C9orf78: variants seen among roughly 807,000 people sequenced by gnomAD.
The protein encoded by C9orf78 is splicing factor C9orf78.
Under a neutral mutation model 37.4 loss-of-function variants are expected in C9orf78, and 19 were observed. The observed-to-expected ratio is 0.51, with a 90% CI of 0.35 to 0.74. The LOEUF is 0.74. C9orf78 is among the 30% of genes least tolerant of loss of function. The probability of loss-of-function intolerance (pLI) is 0.01; values close to 1 mark genes in which losing one functional copy is unlikely to be tolerated. For missense variants in C9orf78, 291 were observed against 370.8 expected (o/e 0.78, Z 1.77); for synonymous variants, 130 against 128.0 (o/e 1.02, Z -0.10).
At position 129,831,846 on chromosome 9, in the gene C9orf78, T is replaced by C. The variant is rs369458130; in HGVS notation, c.344+50A>G. On this transcript the variant is annotated intron_variant, in intron 5 of 8. Transcript: ENST00000372447. ...TCTGTTGACTAAATATCTTGGACTC[T>C]GACTGGAGTCCAGCCCCAACTGCTC... The C allele has an allele frequency of 1.8e-5, 16 of 871,270 alleles. No individual in the cohort carries two copies. In the African/African-American group the frequency reaches 2.5e-4, roughly 13 times the overall value. The allele number at this position is 871,270 out of a possible 1,614,324, so 54.0% of individuals were successfully genotyped here.
rs1475165949 is a variant in C9orf78 at position 129,831,474 on chromosome 9, G to A, written c.345-406C>T. ...AGTTTCACTCTTGTTGCCCAGGCTGGAGTGCAATGGCGAGATCTTGGCTCG... is the reference window on the plus strand; with the variant it reads ...AGTTTCACTCTTGTTGCCCAGGCTGAAGTGCAATGGCGAGATCTTGGCTCG... On this transcript the variant is annotated intron_variant, in intron 5 of 8. Coordinates refer to ENST00000372447, the MANE Select transcript of C9orf78 (RefSeq NM_016520.3). 5 of 249,736 alleles carry A rather than the reference G, an allele frequency of 2.0e-5. No homozygotes were observed. The East Asian group carries it at 5.3e-4, about 26-fold the overall frequency. The allele number at this position is 249,736 out of a possible 1,614,324, so 15.5% of individuals were successfully genotyped here.
chr9:129,833,594 C>G, intron 3 of C9orf78, 64 bp downstream of exon 3: 1 of 1,446,484 alleles, frequency 6.9e-7, no homozygotes, highest in Non-Finnish European at 9.7e-7. Flanking sequence ...GAAGCACGCT[C>G]ACTCACTGAA....
chr9:129,833,017 A>G lies in C9orf78; in HGVS notation c.266+430T>C, dbSNP rs186220253. On this transcript the variant is annotated intron_variant, in intron 4 of 8. Coordinates refer to ENST00000372447, the MANE Select transcript of C9orf78 (RefSeq NM_016520.3). ...TATATATGTGTGTGTGTGTGTGTGT[A>G]TATGTGTATATACATGTGTGTATAT... Among the ~76,000 whole-genome samples the G allele has an allele frequency of 2.8e-3, 410 of 148,412 alleles. 12 individuals carry two copies. In the East Asian group the frequency reaches 0.061, roughly 22 times the overall value.
At chr9:129,833,756 A>G (rs778627107) in intron 2 of C9orf78, 47 bp from the exon 3 acceptor site, 2 of 1,408,380 alleles carry the variant, frequency 1.4e-6, no homozygotes, top group Non-Finnish European at 2.0e-6. Context: ...GAGAAATGGC[A>G]TAATTCAGAG....
intron 1 of C9orf78, 170 bp from the exon 2 acceptor site, chr9:129,834,936 C>A: frequency 1.5e-6 from 1 of 667,580 alleles, no homozygotes; most frequent in East Asian, 2.7e-5. Context: ...GAGTCAGAGC[C>A]ACTGCGCATC....
Position 129,828,099 on chromosome 9 carries a change from C to T in C9orf78, c.*62G>A. The T allele has an allele frequency of 1.0e-6, 1 of 1,003,804 alleles. No homozygotes were observed. The allele number at this position is 1,003,804 out of a possible 1,614,324, so 62.2% of individuals were successfully genotyped here. ...GGAGCCACCACGCCCGGCCAGGAAG[C>T]CATTTTTCATGGGAGGGATATAGGG... On this transcript the variant is annotated 3_prime_UTR_variant, in exon 9 of 9. Coordinates refer to ENST00000372447, the MANE Select transcript of C9orf78 (RefSeq NM_016520.3).
rs201895521 is a variant in C9orf78 at position 129,835,231 on chromosome 9, G to T, written c.-10C>A. 2.5e-6 allele frequency: 4 copies of T among 1,600,954 alleles called. No homozygotes were observed. The highest frequency in any genetic ancestry group is 2.6e-6 in the Non-Finnish European group (3 of 1,173,688). ...TCCGGACGACCGGCATGGTGACAAC[G>T]GCCGAGTTGTACAGCCGCCGCGCCT... On this transcript the variant is annotated 5_prime_UTR_variant, in exon 1 of 9. Coordinates refer to ENST00000372447, the MANE Select transcript of C9orf78 (RefSeq NM_016520.3).
At chr9:129,834,917 A>G (rs943917613) in intron 1 of C9orf78, 151 bp from the exon 2 acceptor site, 13 of 698,772 alleles carry the variant, frequency 1.9e-5, no homozygotes, top group Middle Eastern at 5.6e-4. Flanking sequence ...TTGTGCCTAG[A>G]CCCACCGGGA....
Position 129,834,752 on chromosome 9 carries a change from T to C in C9orf78, c.98A>G (p.Glu33Gly), listed in dbSNP as rs757248973. 3.7e-6 allele frequency: 6 copies of C among 1,610,556 alleles called. No individual in the cohort carries two copies. Among genetic ancestry groups the C allele is most frequent in the Non-Finnish European group, 5.1e-6 (6 of 1,177,332 alleles). Residue 33 changes from glutamate (E) to glycine (G), a missense_variant, in exon 2 of 9, where the codon GAG becomes GGG. Transcript: ENST00000372447. ...CCTCAAGTTCTGTACCTCTCTGGTC[T>C]CTTCCAGTTTTAATCTTTAAAAAGA... ...DSEEVRLKLE[E>G]TREVQNLRKR...
intron 6 of C9orf78, 111 bp downstream of exon 6, chr9:129,830,760 T>G (rs991057639): frequency 2.2e-4 from 169 of 763,728 alleles, no homozygotes; most frequent in Non-Finnish European, 3.1e-4. Flanking sequence ...TCCACCCGCC[T>G]CAGCCTCCCA....
chr9:129,832,031 T>G (rs2031512603), intron 4 of C9orf78, 58 bp from the exon 5 acceptor site: 1 of 829,518 alleles, frequency 1.2e-6, no homozygotes, highest in Non-Finnish European at 2.2e-6. Flanking sequence ...GAGGCTGAGT[T>G]TTATGTTCTA....
In C9orf78 at chr9:129,827,345, CTTTT is replaced by C. The variant is rs926594207; in HGVS notation, c.*812_*815del. 4 of 150,830 alleles carry C rather than the reference CTTTT, an allele frequency of 2.7e-5. No individual in the cohort carries two copies. The highest frequency in any genetic ancestry group is 2.1e-4 in the South Asian group (1 of 4,784). 9.3% of individuals were successfully genotyped at this position (150,830 alleles called of 1,614,324 possible). ...ATAGTAATAAGAAACATAGTTTATG[CTTTT>C]TTTTTAATGAAAACAAACAAGTAAT... On this transcript the variant is annotated 3_prime_UTR_variant, in exon 9 of 9. Transcript: ENST00000372447.
At position 129,833,715 on chromosome 9, in the gene C9orf78, CA is replaced by C; in HGVS notation, c.144-7del. On this transcript the variant is annotated splice_polypyrimidine_tract_variant and splice_region_variant and intron_variant, in intron 2 of 8. Transcript: ENST00000372447. Reference sequence around the variant, plus strand: ...CCACCAGCAAGGCCACAGCACTGAGCAAAACCAAAAAAAAAAGAGAGGGGGA... The same window carrying C: ...CCACCAGCAAGGCCACAGCACTGAGCAAACCAAAAAAAAAAGAGAGGGGGA... The C allele has an allele frequency of 6.3e-6, 10 of 1,579,478 alleles. No individual in the cohort carries two copies. The highest frequency in any genetic ancestry group is 7.7e-6 in the Non-Finnish European group (9 of 1,161,558).
chr9:129,835,058 C>A, intron 1 of C9orf78, 81 bp downstream of exon 1: 1 of 1,143,956 alleles, frequency 8.7e-7, no homozygotes, highest in South Asian at 1.3e-5. Flanking sequence ...TTAACAATGT[C>A]AGCGAAGCGC....
rs767384486 is a variant in C9orf78, at chr9:129,828,120, T to C, written c.*41A>G. Reference sequence around the variant, plus strand: ...GAAGCCATTTTTCATGGGAGGGATATAGGGAGAGGAAGGCGATATTTACAT... The same window carrying C: ...GAAGCCATTTTTCATGGGAGGGATACAGGGAGAGGAAGGCGATATTTACAT... On this transcript the variant is annotated 3_prime_UTR_variant, in exon 9 of 9. Coordinates refer to ENST00000372447, the MANE Select transcript of C9orf78 (RefSeq NM_016520.3). 6 of 1,175,410 alleles carry C rather than the reference T, an allele frequency of 5.1e-6. No individual in the cohort carries two copies. Among genetic ancestry groups the C allele is most frequent in the Admixed American group, 3.4e-5 (2 of 58,388 alleles). The allele number at this position is 1,175,410 out of a possible 1,614,324, so 72.8% of individuals were successfully genotyped here.
chr9:129,830,234 A>T (rs2031455621), intron 6 of C9orf78: 3 of 151,200 alleles, frequency 2.0e-5, no homozygotes, highest in Admixed American at 1.3e-4. Context: ...CTAGGATAAC[A>T]GGCACAAGTC....
chr9:129,828,411 C>CTTTT, intron 8 of C9orf78, 159 bp from the exon 9 acceptor site: 1 of 393,802 alleles, frequency 2.5e-6, no homozygotes, highest in Admixed American at 3.9e-5. Context: ...ACGTATTTGT[C>CTTTT]TTTTTTTTTT....
intron 4 of C9orf78, 115 bp from the exon 5 acceptor site, chr9:129,832,088 G>T: frequency 1.7e-6 from 1 of 574,870 alleles, no homozygotes; most frequent in Non-Finnish European, 3.1e-6. Flanking sequence ...ATTTACAGTT[G>T]GCAAAAAAAA....
intron 4 of C9orf78, 38 bp downstream of exon 4, chr9:129,833,409 T>A: frequency 7.8e-7 from 1 of 1,285,110 alleles, no homozygotes; most frequent in Non-Finnish European, 1.1e-6. Context: ...AGGCAGCCGC[T>A]AAAGGTGAAT....
Sources: gnomAD v4.1 joint callset for allele counts (sites outside exome capture counted in the v4.1 genomes callset) on GRCh38, gnomAD v4.1.1 for gene constraint, MANE v1.5 for transcripts, NCBI Gene and HGNC (gene_info 2026-07-23, HGNC 2026-07-21) for gene names.